PPARGC1B: variants seen among roughly 807,000 people sequenced by gnomAD.
The protein encoded by PPARGC1B is peroxisome proliferator-activated receptor gamma coactivator 1-beta.
In PPARGC1B, 34 loss-of-function variants were observed where a neutral mutation model predicts 101.6. The observed-to-expected ratio is 0.33, with a 90% CI of 0.25 to 0.45. The LOEUF is 0.45. Among genes scored for constraint, PPARGC1B ranks in the 20% least tolerant of loss-of-function variants. The probability of loss-of-function intolerance (pLI) is 1.00; values close to 1 mark genes in which losing one functional copy is unlikely to be tolerated. For missense variants in PPARGC1B, 1,234 were observed against 1,317.6 expected, an observed-to-expected ratio of 0.94 and a Z score of 0.98; for synonymous variants, 548 against 539.3, an observed-to-expected ratio of 1.02 and a Z score of -0.22.
chr5:149,755,046 C>CATACATATAT (rs1438235435), intron 1 of PPARGC1B, among the ~76,000 whole-genome samples: 224 of 105,570 alleles, frequency 2.1e-3, no homozygotes, highest in Non-Finnish European at 2.5e-3. Flanking sequence ...TATACATATA[C>CATACATATAT]ATATACATAT....
At chr5:149,770,224 G>A (rs778770267) in intron 1 of PPARGC1B, among the ~76,000 whole-genome samples, 1 of 152,110 alleles carries the variant, frequency 6.6e-6, no homozygotes, top group African/African-American at 2.4e-5. Flanking sequence ...CTCTTCAGGG[G>A]GAGAAGTGCA....
rs1323152507 is a variant in PPARGC1B, at chr5:149,853,914, C to G, written c.*6356C>G. Reference sequence around the variant, plus strand: ...AGTCTGCTCTGGAATTCACACCCACCCCCTCGCCTCCTTGTGCCATGTTGT... The same window carrying G: ...AGTCTGCTCTGGAATTCACACCCACGCCCTCGCCTCCTTGTGCCATGTTGT... On this transcript the variant is annotated 3_prime_UTR_variant, in exon 12 of 12. Transcript: ENST00000309241. The surrounding 1 kb of genome is among the most constrained non-coding windows in gnomAD (Gnocchi z 4.2). The G allele has an allele frequency of 6.6e-6, 1 of 152,126 alleles. No homozygotes were observed. The highest frequency in any genetic ancestry group is 1.5e-5 in the Non-Finnish European group (1 of 68,024). The allele number at this position is 152,126 out of a possible 1,614,324, so 9.4% of individuals were successfully genotyped here.
chr5:149,780,958 C>T (rs1388595960), intron 1 of PPARGC1B, among the ~76,000 whole-genome samples: 1 of 152,204 alleles, frequency 6.6e-6, no homozygotes, highest in Non-Finnish European at 1.5e-5. Flanking sequence ...AATCCCAGCA[C>T]TTTGGGAGGC....
chr5:149,753,193 AGTGATT>A (rs1335205654), intron 1 of PPARGC1B, among the ~76,000 whole-genome samples: 1 of 152,094 alleles, frequency 6.6e-6, no homozygotes, highest in Non-Finnish European at 1.5e-5. Context: ...TGGGCATTTA[AGTGATT>A]GCTATTTATT....
intron 1 of PPARGC1B, among the ~76,000 whole-genome samples, chr5:149,798,999 G>A (rs1757331200): frequency 6.6e-6 from 1 of 152,086 alleles, no homozygotes; most frequent in Non-Finnish European, 1.5e-5. Flanking sequence ...CCTGAGAGGT[G>A]AGATAGGACA....
chr5:149,836,669 G>A lies in PPARGC1B; in HGVS notation c.2214G>A (p.Glu738=). 1.2e-6 allele frequency: 2 copies of A among 1,613,784 alleles called. No homozygotes were observed. The highest frequency in any genetic ancestry group is 8.5e-7 in the Non-Finnish European group (1 of 1,180,018). ...PWAEAQAPGR[E]EDRSCDAGAP... The stretch of plus-strand genomic sequence containing the variant: ...CTGAGGCACAGGCCCCTGGCAGGGA[G>A]GAAGACAGAAGCTGTGATGCTGGCG... Residue 738 remains glutamate (E), a synonymous_variant, in exon 8 of 12, where the codon GAG becomes GAA. Transcript: ENST00000309241.
intron 1 of PPARGC1B, among the ~76,000 whole-genome samples, chr5:149,812,361 A>G (rs1472081493): frequency 1.3e-5 from 2 of 150,538 alleles, no homozygotes; most frequent in East Asian, 3.9e-4. Flanking sequence ...AAGATAAACT[A>G]CTCTCCCCAC....
chr5:149,730,420 G>T lies in PPARGC1B; in HGVS notation c.78G>T (p.Gln26His), dbSNP rs1461231873. The T allele has an allele frequency of 1.3e-6, 2 of 1,552,202 alleles. No individual in the cohort carries two copies. The highest frequency in any genetic ancestry group is 1.9e-5 in the Admixed American group (1 of 52,462). The part of the protein sequence containing the change: ...SFFLNYLADT[Q>H]GGGSGEEQLY... ...TCCTCAACTATCTCGCTGACACGCA[G>T]GTACGGCCGGCTGGGGCTGCGGGCC... The change falls in exon 1 of 12, where the codon CAG becomes CAT. Residue 26 changes from glutamine (Q) to histidine (H), a missense_variant and splice_region_variant. Transcript: ENST00000309241. The surrounding 1 kb of genome is among the most constrained non-coding windows in gnomAD (Gnocchi z 4.0).
At chr5:149,784,946 G>T (rs955592075) in intron 1 of PPARGC1B, among the ~76,000 whole-genome samples, 9 of 152,168 alleles carry the variant, frequency 5.9e-5, no homozygotes, top group African/African-American at 2.2e-4. Flanking sequence ...CATCTGACTG[G>T]ATGGTAGGGA....
chr5:149,741,059 GAGT>G (rs1421785675), intron 1 of PPARGC1B, among the ~76,000 whole-genome samples: 2 of 152,168 alleles, frequency 1.3e-5, no homozygotes, highest in Admixed American at 6.5e-5. Context: ...GGCTGGCTCT[GAGT>G]AGCTGGGACT....
rs577803521 is a variant in PPARGC1B, at chr5:149,754,540, A to G, written c.78+24120A>G. 6.9e-4 allele frequency among the ~76,000 whole-genome samples: 105 copies of G among 152,330 alleles called. No homozygotes were observed. In the South Asian group the frequency reaches 0.018, roughly 26 times the overall value. ...TAAAACTGTAGAAAGCTGTCACAATATAATATCACATTAGTATTTACTTGG... is the reference window on the plus strand; with the variant it reads ...TAAAACTGTAGAAAGCTGTCACAATGTAATATCACATTAGTATTTACTTGG... On this transcript the variant is annotated intron_variant, in intron 1 of 11. Coordinates refer to ENST00000309241, the MANE Select transcript of PPARGC1B (RefSeq NM_133263.4).
intron 1 of PPARGC1B, among the ~76,000 whole-genome samples, chr5:149,790,573 A>G (rs2113254866): frequency 6.6e-6 from 1 of 152,298 alleles, no homozygotes; most frequent in East Asian, 1.9e-4. Flanking sequence ...TACTAGGAGC[A>G]CAATTGAGAG....
rs1250342259 is a variant in PPARGC1B at position 149,837,440 on chromosome 5, T to C, written c.2618+367T>C. On this transcript the variant is annotated intron_variant, in intron 8 of 11. Coordinates refer to ENST00000309241, the MANE Select transcript of PPARGC1B (RefSeq NM_133263.4). The surrounding 1 kb of genome is among the most constrained non-coding windows in gnomAD (Gnocchi z 4.2). ...AAATGGATAAGTTTTTGTGCAAACA[T>C]ACCTGCCCCAACAGTTTGAATTCTA... 6.6e-6 allele frequency among the ~76,000 whole-genome samples: 1 copy of C among 152,264 alleles called. No homozygotes were observed. Among genetic ancestry groups the C allele is most frequent in the Non-Finnish European group, 1.5e-5 (1 of 68,042 alleles).
chr5:149,751,495 C>G (rs920286830), intron 1 of PPARGC1B, among the ~76,000 whole-genome samples: 5 of 152,090 alleles, frequency 3.3e-5, no homozygotes, highest in Non-Finnish European at 7.4e-5. Flanking sequence ...CACCTGAGGT[C>G]AGGAGTTCAA....
rs1462852526 is a variant in PPARGC1B, at chr5:149,847,853, G to A, written c.*295G>A. On this transcript the variant is annotated 3_prime_UTR_variant, in exon 12 of 12. Coordinates refer to ENST00000309241, the MANE Select transcript of PPARGC1B (RefSeq NM_133263.4). Reference sequence around the variant, plus strand: ...CGAAGTGCCGGGTCCGTCACCCATCGCCCCTTCCTTCCCGACTGACTTCCT... The same window carrying A: ...CGAAGTGCCGGGTCCGTCACCCATCACCCCTTCCTTCCCGACTGACTTCCT... 12 of 416,856 alleles carry A rather than the reference G, an allele frequency of 2.9e-5. No individual in the cohort carries two copies. Among genetic ancestry groups the A allele is most frequent in the Non-Finnish European group, 5.2e-5 (12 of 231,702 alleles). The allele number at this position is 416,856 out of a possible 1,614,324, so 25.8% of individuals were successfully genotyped here.
chr5:149,767,861 T>C (rs1755973312), intron 1 of PPARGC1B, among the ~76,000 whole-genome samples: 1 of 152,172 alleles, frequency 6.6e-6, no homozygotes, highest in Non-Finnish European at 1.5e-5. Context: ...GCAGGGAAGA[T>C]GGTTTCTGCA....
intron 1 of PPARGC1B, among the ~76,000 whole-genome samples, chr5:149,785,500 T>A (rs1472594682): frequency 6.6e-6 from 1 of 152,238 alleles, no homozygotes; most frequent in Admixed American, 6.5e-5. Flanking sequence ...AATCTGTTGG[T>A]GGAACTTGGC....
chr5:149,806,111 G>A lies in PPARGC1B; in HGVS notation c.79-14322G>A, dbSNP rs540823538. 2.7e-3 allele frequency among the ~76,000 whole-genome samples: 409 copies of A among 152,326 alleles called. 1 individual carries two copies. The highest frequency in any genetic ancestry group is 0.022 in the South Asian group (107 of 4,826). ...GAACTGACTTCAGCTCTGGCCTGCCGAGGCCCCCAGCCTACTGGGAAGGGG... is the reference window on the plus strand; with the variant it reads ...GAACTGACTTCAGCTCTGGCCTGCCAAGGCCCCCAGCCTACTGGGAAGGGG... On this transcript the variant is annotated intron_variant, in intron 1 of 11. Coordinates refer to ENST00000309241, the MANE Select transcript of PPARGC1B (RefSeq NM_133263.4).
chr5:149,737,003 A>G (rs980904458), intron 1 of PPARGC1B, among the ~76,000 whole-genome samples: 9 of 152,204 alleles, frequency 5.9e-5, no homozygotes, highest in Non-Finnish European at 7.3e-5. Flanking sequence ...AATGACAGGT[A>G]TCTACCATGG....
Sources: allele counts gnomAD v4.1 joint callset (sites outside exome capture counted in the v4.1 genomes callset), GRCh38; gene constraint gnomAD v4.1.1; non-coding constraint Gnocchi (gnomAD v3.1); transcripts MANE v1.5; gene names NCBI Gene and HGNC (gene_info 2026-07-23, HGNC 2026-07-21).